DLGAP2: variants seen among roughly 807,000 people sequenced by gnomAD.
DLGAP2 encodes disks large-associated protein 2.
A neutral mutation model predicts 100.3 loss-of-function variants in DLGAP2; 26 were observed. That is an observed-to-expected ratio of 0.26 (90% CI 0.19 to 0.36). DLGAP2 has a LOEUF of 0.36. DLGAP2 is among the 10% of genes least tolerant of loss of function. DLGAP2 has a pLI of 1.00. For missense variants in DLGAP2, 1,858 were observed against 1,453.2 expected, an observed-to-expected ratio of 1.28 and a Z score of -4.53; for synonymous variants, 886 against 630.1, an observed-to-expected ratio of 1.41 and a Z score of -6.08.
intron 2 of DLGAP2, among the ~76,000 whole-genome samples, chr8:1,173,820 C>G (rs1447015385): frequency 1.3e-5 from 2 of 152,226 alleles, no homozygotes; most frequent in Non-Finnish European, 2.9e-5. Context: ...AACTCTCTGA[C>G]CCATTGCGCT....
intron 3 of DLGAP2, among the ~76,000 whole-genome samples, chr8:1,423,367 G>A (rs1268980332): frequency 6.6e-6 from 1 of 152,250 alleles, no homozygotes; most frequent in South Asian, 2.1e-4. Flanking sequence ...ACCACCCCAG[G>A]TTCTGTCTCT....
At chr8:979,894 T>C (rs1375418600) in intron 2 of DLGAP2, among the ~76,000 whole-genome samples, 1 of 152,214 alleles carries the variant, frequency 6.6e-6, no homozygotes, top group Non-Finnish European at 1.5e-5. Flanking sequence ...GGGTTTGCCA[T>C]TCTGTGTTCC....
In DLGAP2 at chr8:1,060,517, C is replaced by T. The variant is rs1003201424; in HGVS notation, c.73+152551C>T. Among the ~76,000 whole-genome samples, 5 of 151,746 alleles carry T rather than the reference C, an allele frequency of 3.3e-5. No individual in the cohort carries two copies. In the East Asian group the frequency reaches 5.8e-4, roughly 18 times the overall value. On this transcript the variant is annotated intron_variant, in intron 2 of 14. Coordinates refer to ENST00000637795, the MANE Select transcript of DLGAP2 (RefSeq NM_001346810.2). Reference sequence around the variant, plus strand: ...CCCTCTCTCTGTGGGTCTCTGTGTCCTGAGCGTCTCTTCTTAAAAGGATGC... The same window carrying T: ...CCCTCTCTCTGTGGGTCTCTGTGTCTTGAGCGTCTCTTCTTAAAAGGATGC...
chr8:1,013,599 G>C (rs1452678591), intron 2 of DLGAP2, among the ~76,000 whole-genome samples: 1 of 146,734 alleles, frequency 6.8e-6, no homozygotes, highest in Non-Finnish European at 1.5e-5. Context: ...GACAGACGGC[G>C]CCTCCACTGT....
intron 2 of DLGAP2, among the ~76,000 whole-genome samples, chr8:945,012 T>G (rs1169951379): frequency 6.6e-6 from 1 of 152,194 alleles, no homozygotes; most frequent in African/African-American, 2.4e-5. Flanking sequence ...TTTAACACAA[T>G]CTATGTGTTA....
chr8:1,521,388 G>A lies in DLGAP2; in HGVS notation c.172+19957G>A, dbSNP rs1383237650. Reference sequence around the variant, plus strand: ...TTTTAATTTGGAATACTCGGGGGCAGGTGATATGGAGCGTCTCTGGTTTGC... The same window carrying A: ...TTTTAATTTGGAATACTCGGGGGCAAGTGATATGGAGCGTCTCTGGTTTGC... On this transcript the variant is annotated intron_variant, in intron 4 of 14. Coordinates refer to ENST00000637795, the MANE Select transcript of DLGAP2 (RefSeq NM_001346810.2). Among the ~76,000 whole-genome samples, 2 of 63,552 alleles carry A rather than the reference G, an allele frequency of 3.1e-5. 1 individual carries two copies. The highest frequency in any genetic ancestry group is 6.8e-5 in the Non-Finnish European group (2 of 29,206). The allele number at this position is 63,552 out of a possible 152,430, so 41.7% of individuals were successfully genotyped here.
intron 1 of DLGAP2, among the ~76,000 whole-genome samples, chr8:742,360 C>T (rs974887228): frequency 2.0e-5 from 3 of 152,170 alleles, no homozygotes; most frequent in Admixed American, 6.5e-5. Flanking sequence ...TCTGACTGAT[C>T]GTTGTCTTTA....
chr8:1,599,046 C>A (rs149850402), intron 6 of DLGAP2, among the ~76,000 whole-genome samples: 3 of 152,174 alleles, frequency 2.0e-5, no homozygotes, highest in African/African-American at 7.2e-5. Flanking sequence ...AGCTGTGTCC[C>A]AGAGATTCTG....
chr8:1,029,145 G>T (rs1407225873), intron 2 of DLGAP2, among the ~76,000 whole-genome samples: 1 of 152,194 alleles, frequency 6.6e-6, no homozygotes, highest in African/African-American at 2.4e-5. Context: ...CAGGTCCCCA[G>T]GGCGTGCCTG....
chr8:969,490 C>G (rs994331097), intron 2 of DLGAP2, among the ~76,000 whole-genome samples: 1 of 151,514 alleles, frequency 6.6e-6, no homozygotes, highest in African/African-American at 2.4e-5. Context: ...GCAGCTCGTA[C>G]TGGCTTGCAA....
intron 2 of DLGAP2, among the ~76,000 whole-genome samples, chr8:1,085,153 A>G (rs1326368823): frequency 1.3e-5 from 2 of 152,332 alleles, no homozygotes; most frequent in South Asian, 4.1e-4. Flanking sequence ...TGGCCATTCA[A>G]GTGCCTTCTT....
chr8:809,897 G>A (rs916513613), intron 1 of DLGAP2, among the ~76,000 whole-genome samples: 6 of 152,306 alleles, frequency 3.9e-5, no homozygotes, highest in South Asian at 4.1e-4. Context: ...GCTCTGACTC[G>A]CCCAGAAGCA....
At chr8:1,420,016 G>A (rs1797044711) in intron 3 of DLGAP2, among the ~76,000 whole-genome samples, 1 of 152,178 alleles carries the variant, frequency 6.6e-6, no homozygotes, top group Non-Finnish European at 1.5e-5. Context: ...AAATCCTTAG[G>A]GTTTTTTATG....
intron 3 of DLGAP2, among the ~76,000 whole-genome samples, chr8:1,429,989 G>A (rs1444195010): frequency 4.0e-4 from 9 of 22,382 alleles, no homozygotes; most frequent in Non-Finnish European, 9.0e-4. Context: ...AGCAGAAGGG[G>A]AGAGATGCAT....
intron 2 of DLGAP2, among the ~76,000 whole-genome samples, chr8:1,171,039 C>G (rs1269965905): frequency 1.3e-5 from 2 of 151,830 alleles, no homozygotes; most frequent in African/African-American, 4.8e-5. Context: ...AAATTTCCCT[C>G]TACACACTGC....
chr8:1,465,927 G>T (rs1457768390), intron 3 of DLGAP2, among the ~76,000 whole-genome samples: 2 of 152,210 alleles, frequency 1.3e-5, no homozygotes, highest in Non-Finnish European at 2.9e-5. Flanking sequence ...GGCCGGGAAA[G>T]GTCCCTGCCT....
intron 1 of DLGAP2, among the ~76,000 whole-genome samples, chr8:812,650 A>G (rs998751531): frequency 2.0e-5 from 3 of 152,214 alleles, no homozygotes; most frequent in Non-Finnish European, 4.4e-5. Flanking sequence ...AAACTAATCA[A>G]ATAGATGAAA....
At chr8:1,124,786 T>A (rs1316460456) in intron 2 of DLGAP2, among the ~76,000 whole-genome samples, 1 of 152,310 alleles carries the variant, frequency 6.6e-6, no homozygotes, top group East Asian at 1.9e-4. Flanking sequence ...TGTTTTCATT[T>A]TTCCCATCAA....
chr8:836,913 C>T (rs1391514680), intron 1 of DLGAP2, among the ~76,000 whole-genome samples: 2 of 152,238 alleles, frequency 1.3e-5, no homozygotes, highest in Non-Finnish European at 2.9e-5. Context: ...TCTGCCAGCG[C>T]ACATGCACAC....
Sources: allele counts gnomAD v4.1 joint callset (sites outside exome capture counted in the v4.1 genomes callset), GRCh38; gene constraint gnomAD v4.1.1; transcripts MANE v1.5; gene names NCBI Gene and HGNC (gene_info 2026-07-23, HGNC 2026-07-21).